Variants in WWOX observed in about 807,000 individuals in gnomAD.
The protein encoded by WWOX is WW domain-containing oxidoreductase.
Under a neutral mutation model 46.2 loss-of-function variants are expected in WWOX, and 69 were observed. The ratio of observed to expected loss-of-function variants is 1.49; its 90% CI spans 1.23 to 1.82. The LOEUF is 1.82. Ranked by LOEUF, WWOX falls within the 40% of genes most tolerant of loss-of-function variation. The probability of loss-of-function intolerance (pLI) is 0.00; values close to 1 mark genes in which losing one functional copy is unlikely to be tolerated. For synonymous variants in WWOX, 359 were observed against 202.6 expected (o/e 1.77, Z -6.56); for missense variants, 919 against 542.6 (o/e 1.69, Z -6.89).
chr16:78,454,637 C>T lies in WWOX; in HGVS notation c.1056+21885C>T, dbSNP rs552788293. ...TCTCCTGCCTCAGCCTCTTGAGTAG[C>T]TGGGATTACAGGCATGCGCCACCAT... is the stretch of plus-strand genomic sequence containing the variant. On this transcript the variant is annotated intron_variant, in intron 8 of 8. Transcript: ENST00000566780. Among the ~76,000 whole-genome samples, 10 of 152,178 alleles carry T rather than the reference C, an allele frequency of 6.6e-5. No individual in the cohort carries two copies. The South Asian group carries it at 1.9e-3, about 28-fold the overall frequency.
At chr16:79,137,644 T>A (rs1045030907) in intron 8 of WWOX, among the ~76,000 whole-genome samples, 3 of 152,166 alleles carry the variant, frequency 2.0e-5, no homozygotes, top group African/African-American at 7.2e-5. Context: ...AGTGTCAATG[T>A]GTTGGGAAAG....
chr16:78,509,294 G>C (rs1567613365), intron 8 of WWOX, among the ~76,000 whole-genome samples: 1 of 152,140 alleles, frequency 6.6e-6, no homozygotes, highest in Admixed American at 6.5e-5. Context: ...ACAAAAGTTA[G>C]CCGAGCGTGA....
At chr16:78,596,563 A>G (rs1326672029) in intron 8 of WWOX, among the ~76,000 whole-genome samples, 1 of 152,136 alleles carries the variant, frequency 6.6e-6, no homozygotes, top group Non-Finnish European at 1.5e-5. Flanking sequence ...AAGACTGGGG[A>G]CAGGACAGGT....
intron 8 of WWOX, among the ~76,000 whole-genome samples, chr16:79,119,657 G>A (rs1000911085): frequency 7.2e-5 from 11 of 152,232 alleles, no homozygotes; most frequent in African/African-American, 1.7e-4. Flanking sequence ...CAGCCACGAA[G>A]AGAACGGGAC....
chr16:78,126,249 T>C (rs1384915394), intron 4 of WWOX, among the ~76,000 whole-genome samples: 1 of 152,194 alleles, frequency 6.6e-6, no homozygotes, highest in Admixed American at 6.5e-5. Context: ...GACTCTTCTA[T>C]AGTTTTATTT....
intron 8 of WWOX, among the ~76,000 whole-genome samples, chr16:78,647,457 G>T (rs146877954): frequency 6.6e-6 from 1 of 152,108 alleles, no homozygotes; most frequent in Non-Finnish European, 1.5e-5. Flanking sequence ...TCATGGACCC[G>T]TTCAGTACAC....
At chr16:78,631,774 C>A (rs997818050) in intron 8 of WWOX, among the ~76,000 whole-genome samples, 3 of 152,254 alleles carry the variant, frequency 2.0e-5, no homozygotes, top group East Asian at 1.9e-4. Context: ...AATCTGCTCA[C>A]CTGGGTCTCC....
rs201178351 is a variant in WWOX at position 78,164,180 on chromosome 16, T to G, written c.410-3T>G. The G allele has an allele frequency of 1.2e-6, 2 of 1,613,612 alleles. No homozygotes were observed. Among genetic ancestry groups the G allele is most frequent in the South Asian group, 1.1e-5 (1 of 90,836 alleles). On this transcript the variant is annotated splice_polypyrimidine_tract_variant and splice_region_variant and intron_variant, in intron 4 of 8. Coordinates refer to ENST00000566780, the MANE Select transcript of WWOX (RefSeq NM_016373.4). ...CTAACATTGACTTTCCTTTAAACCA[T>G]AGGGTTCGAAACCGCCAAGTCTTTT...
At chr16:78,364,181 T>G (rs1250030933) in intron 5 of WWOX, among the ~76,000 whole-genome samples, 1 of 152,168 alleles carries the variant, frequency 6.6e-6, no homozygotes, top group Non-Finnish European at 1.5e-5. Flanking sequence ...ACTATAATTT[T>G]ATTTTGGGTT....
rs568339650 is a variant in WWOX at position 78,439,613 on chromosome 16, C to T, written c.1056+6861C>T. The stretch of plus-strand genomic sequence containing the variant: ...TTGTATTCAAACTGCAGCCTCTACT[C>T]CCTTTTAGTTACATAATTTTGAAAT... On this transcript the variant is annotated intron_variant, in intron 8 of 8. Transcript: ENST00000566780. Among the ~76,000 whole-genome samples, 3 of 152,190 alleles carry T rather than the reference C, an allele frequency of 2.0e-5. No individual in the cohort carries two copies. The East Asian group carries it at 5.8e-4, about 29-fold the overall frequency.
chr16:79,211,304 G>T (rs1283100500), intron 8 of WWOX, among the ~76,000 whole-genome samples: 1 of 152,172 alleles, frequency 6.6e-6, no homozygotes, highest in Non-Finnish European at 1.5e-5. Context: ...CTTTTTCTCT[G>T]TGTGGAAGAG....
At chr16:78,607,498 A>G (rs1033752259) in intron 8 of WWOX, among the ~76,000 whole-genome samples, 1 of 152,216 alleles carries the variant, frequency 6.6e-6, no homozygotes, top group Non-Finnish European at 1.5e-5. Context: ...TATTGGTGCT[A>G]AGGGCTGTAA....
At chr16:78,834,548 G>C (rs1205441467) in intron 8 of WWOX, among the ~76,000 whole-genome samples, 1 of 152,192 alleles carries the variant, frequency 6.6e-6, no homozygotes, top group Non-Finnish European at 1.5e-5. Flanking sequence ...AAGGCTGGCA[G>C]AAAGGACCAG....
intron 8 of WWOX, among the ~76,000 whole-genome samples, chr16:78,566,668 C>G (rs2044576215): frequency 6.6e-6 from 1 of 152,176 alleles, no homozygotes; most frequent in Non-Finnish European, 1.5e-5. Flanking sequence ...TCTCTCAGGA[C>G]AGGGCTCACA....
intron 4 of WWOX, among the ~76,000 whole-genome samples, chr16:78,122,793 CAG>C (rs888608684): frequency 6.6e-6 from 1 of 151,952 alleles, no homozygotes; most frequent in African/African-American, 2.4e-5. Flanking sequence ...TTCGTAGAGA[CAG>C]GGATTCACCA....
At chr16:78,727,692 C>A (rs909526648) in intron 8 of WWOX, among the ~76,000 whole-genome samples, 1 of 152,102 alleles carries the variant, frequency 6.6e-6, no homozygotes, top group Non-Finnish European at 1.5e-5. Flanking sequence ...TCAGTAACAA[C>A]TGAAAGGCTA....
chr16:78,437,591 A>G (rs1260999095), intron 8 of WWOX, among the ~76,000 whole-genome samples: 3 of 152,218 alleles, frequency 2.0e-5, no homozygotes, highest in Admixed American at 6.5e-5. Context: ...CTTCAGATCC[A>G]GAGAACTGGA....
chr16:79,057,098 A>C (rs960401186), intron 8 of WWOX, among the ~76,000 whole-genome samples: 6 of 152,196 alleles, frequency 3.9e-5, no homozygotes, highest in African/African-American at 1.4e-4. Context: ...TTAACCCACT[A>C]ATCTGTTATG....
intron 8 of WWOX, among the ~76,000 whole-genome samples, chr16:78,933,707 G>T (rs1236668640): frequency 1.3e-5 from 2 of 152,138 alleles, no homozygotes; most frequent in African/African-American, 4.8e-5. Context: ...CTTGTGTAGG[G>T]AAACTCCTGT....
Sources: allele counts gnomAD v4.1 joint callset (sites outside exome capture counted in the v4.1 genomes callset), GRCh38; gene constraint gnomAD v4.1.1; transcripts MANE v1.5; gene names NCBI Gene and HGNC (gene_info 2026-07-23, HGNC 2026-07-21).